STAU1: variants seen among roughly 807,000 people sequenced by gnomAD.
STAU1 encodes the protein double-stranded RNA-binding protein Staufen homolog 1.
Under a neutral mutation model 62.9 loss-of-function variants are expected in STAU1, and 13 were observed. The ratio of observed to expected loss-of-function variants is 0.21; its 90% CI spans 0.13 to 0.33. The LOEUF is 0.33. Ranked by LOEUF, STAU1 falls within the 10% of genes least tolerant of loss-of-function variation. The pLI is 1.00. For synonymous variants in STAU1, 269 were observed against 265.1 expected (o/e 1.01, Z -0.14); for missense variants, 571 against 712.1 (o/e 0.80, Z 2.25).
At chr20:49,202,230 A>AAAAAAAAGAAAGAAAGAAAG in the STAU1 span, among the ~76,000 whole-genome samples, 1 of 130,366 alleles carries the variant, frequency 7.7e-6, no homozygotes, top group African/African-American at 2.9e-5. Flanking sequence ...AAAAAAAAAA[A>AAAAAAAAGAAAGAAAGAAAG]AAAGAAAGAA....
At chr20:49,186,774 C>G (rs2093792775) in intron 1 of STAU1, among the ~76,000 whole-genome samples, 1 of 151,920 alleles carries the variant, frequency 6.6e-6, no homozygotes, top group African/African-American at 2.4e-5. Flanking sequence ...ACTTGGTAAG[C>G]ACGGATTCCT....
chr20:49,184,233 C>T (rs928995829), intron 1 of STAU1, among the ~76,000 whole-genome samples: 2 of 152,104 alleles, frequency 1.3e-5, no homozygotes, highest in Admixed American at 1.3e-4. Context: ...TAAGCCGAGA[C>T]TGCACCATTG....
the STAU1 span, among the ~76,000 whole-genome samples, chr20:49,217,838 C>A: frequency 5.3e-5 from 8 of 150,494 alleles, no homozygotes; most frequent in Non-Finnish European, 8.9e-5. Flanking sequence ...CAGAGTGAGA[C>A]CCTGTCTCAA....
At position 49,142,963 on chromosome 20, in the gene STAU1, G is replaced by A. The variant is rs1040566211; in HGVS notation, c.511-7032C>T. ...GACTACAGGTACATGCCACCATTTC[G>A]TTTTTTCAAATATTTTTGGTAGAGA... On this transcript the variant is annotated intron_variant, in intron 5 of 13. Coordinates refer to ENST00000371856, the MANE Select transcript of STAU1 (RefSeq NM_017453.4). Among the ~76,000 whole-genome samples, 6 of 151,900 alleles carry A rather than the reference G, an allele frequency of 3.9e-5. No individual in the cohort carries two copies. In the South Asian group the frequency reaches 8.3e-4, roughly 21 times the overall value.
At chr20:49,171,932 A>G (rs1477243975) in intron 2 of STAU1, among the ~76,000 whole-genome samples, 6 of 152,192 alleles carry the variant, frequency 3.9e-5, no homozygotes, top group South Asian at 2.1e-4. Flanking sequence ...AAAAAAAAAA[A>G]AAAGAAACAA....
rs191452349 is a variant in STAU1 at position 49,157,870 on chromosome 20, G to A, written c.206-3799C>T. Among the ~76,000 whole-genome samples, 6 of 152,176 alleles carry A rather than the reference G, an allele frequency of 3.9e-5. No individual in the cohort carries two copies. In the East Asian group the frequency reaches 5.8e-4, roughly 15 times the overall value. The stretch of plus-strand genomic sequence containing the variant: ...ACTCCTGGGCTCCAGTGATCCTCTC[G>A]CCTCAGCCTTCCAAAGTGATAGGAT... On this transcript the variant is annotated intron_variant, in intron 3 of 13. Coordinates refer to ENST00000371856, the MANE Select transcript of STAU1 (RefSeq NM_017453.4).
intron 2 of STAU1, among the ~76,000 whole-genome samples, chr20:49,173,418 T>C (rs1041229626): frequency 1.3e-5 from 2 of 152,084 alleles, no homozygotes; most frequent in Non-Finnish European, 2.9e-5. Context: ...GCCATTGCAC[T>C]CCAACCTGGG....
intron 6 of STAU1, among the ~76,000 whole-genome samples, chr20:49,130,507 A>T (rs2092726885): frequency 6.6e-6 from 1 of 152,202 alleles, no homozygotes; most frequent in African/African-American, 2.4e-5. Flanking sequence ...TGATGGGGGC[A>T]TGTTAAAGGG....
intron 1 of STAU1, among the ~76,000 whole-genome samples, chr20:49,179,402 C>A (rs2093697932): frequency 6.6e-6 from 1 of 152,152 alleles, no homozygotes; most frequent in Non-Finnish European, 1.5e-5. Flanking sequence ...ACTTGCTAAA[C>A]ATTACAGGTT....
intron 12 of STAU1, 91 bp from the exon 13 acceptor site, chr20:49,115,958 G>A: frequency 9.3e-7 from 1 of 1,078,022 alleles, no homozygotes; most frequent in Non-Finnish European, 1.4e-6. Context: ...AGTTCCTGCT[G>A]CCCAGCAAAC....
intron 3 of STAU1, among the ~76,000 whole-genome samples, chr20:49,155,726 TA>T (rs1457248015): frequency 2.0e-5 from 3 of 152,242 alleles, no homozygotes; most frequent in African/African-American, 7.2e-5. Context: ...ATTAGAATTA[TA>T]TTTTTTACAA....
chr20:49,145,416 TC>T, intron 5 of STAU1, among the ~76,000 whole-genome samples: 1 of 58,132 alleles, frequency 1.7e-5, no homozygotes, highest in South Asian at 7.4e-4. Flanking sequence ...AAAGCGAGAC[TC>T]CGTCTCAAAA....
chr20:49,163,089 G>A (rs965028971), intron 3 of STAU1, among the ~76,000 whole-genome samples: 7 of 151,992 alleles, frequency 4.6e-5, no homozygotes, highest in African/African-American at 1.7e-4. Flanking sequence ...CTACTCAGGA[G>A]GCTGAGGCAG....
intron 5 of STAU1, 115 bp from the exon 6 acceptor site, chr20:49,136,046 G>T: frequency 1.3e-6 from 1 of 756,842 alleles, no homozygotes; most frequent in Non-Finnish European, 2.1e-6. Flanking sequence ...GATAGCTTGA[G>T]CCCAGGAGTC....
chr20:49,136,838 C>T (rs1441638327), intron 5 of STAU1, among the ~76,000 whole-genome samples: 1 of 152,144 alleles, frequency 6.6e-6, no homozygotes, highest in Non-Finnish European at 1.5e-5. Flanking sequence ...GCTGGGATTG[C>T]AGGCATGCGC....
At chr20:49,156,386 A>G (rs1389370120) in intron 3 of STAU1, among the ~76,000 whole-genome samples, 1 of 152,228 alleles carries the variant, frequency 6.6e-6, no homozygotes, top group Non-Finnish European at 1.5e-5. Context: ...CTAAAAAATA[A>G]GCATTTGTCA....
At chr20:49,144,742 A>G (rs567872107) in intron 5 of STAU1, among the ~76,000 whole-genome samples, 11 of 152,318 alleles carry the variant, frequency 7.2e-5, no homozygotes, top group African/African-American at 2.4e-4. Context: ...TAGCCTAGGC[A>G]AGGCCATAGG....
chr20:49,208,844 G>A, the STAU1 span, among the ~76,000 whole-genome samples: 10 of 149,814 alleles, frequency 6.7e-5, no homozygotes, highest in Non-Finnish European at 1.0e-4. Flanking sequence ...GGATGGTCTC[G>A]ATCTCCTGAC....
At chr20:49,123,320 T>TA (rs2145875016) in intron 7 of STAU1, 85 bp from the exon 8 acceptor site, 2 of 1,593,372 alleles carry the variant, frequency 1.3e-6, no homozygotes, top group East Asian at 2.3e-5. Context: ...TGAGAGGAGA[T>TA]AAGAGATTTT....
Sources: gnomAD v4.1 joint callset for allele counts (sites outside exome capture counted in the v4.1 genomes callset) on GRCh38, gnomAD v4.1.1 for gene constraint, MANE v1.5 for transcripts, NCBI Gene and HGNC (gene_info 2026-07-23, HGNC 2026-07-21) for gene names.